TRPM3: variants seen among roughly 807,000 people sequenced by gnomAD.
TRPM3 encodes transient receptor potential cation channel subfamily M member 3, also known as long transient receptor potential channel 3.
In TRPM3, 77 loss-of-function variants were observed where a neutral mutation model predicts 181.2. That is an observed-to-expected ratio of 0.42 (90% CI 0.35 to 0.51). The LOEUF is 0.51. TRPM3 is among the 20% of genes least tolerant of loss of function. TRPM3 has a pLI of 0.01. For synonymous variants in TRPM3, 745 were observed against 796.4 expected, an observed-to-expected ratio of 0.94 and a Z score of 1.09; for missense variants, 1,759 against 2,196.7, an observed-to-expected ratio of 0.80 and a Z score of 3.98.
At chr9:71,308,658 G>GT (rs747261560) in intron 1 of TRPM3, among the ~76,000 whole-genome samples, 201 of 152,060 alleles carry the variant, frequency 1.3e-3, no homozygotes, top group Non-Finnish European at 1.2e-3. Context: ...AGTAATGGGG[G>GT]TTTTTTGACA....
At position 70,854,938 on chromosome 9, in the gene TRPM3, C is replaced by G. The variant is rs55961050; in HGVS notation, c.462+7970G>C. On this transcript the variant is annotated intron_variant, in intron 3 of 25. Coordinates refer to ENST00000677713, the MANE Select transcript of TRPM3 (RefSeq NM_001366145.2). ...GAGAAAATGTATTTTGAGTTCCAAA[C>G]AACAAATTTAGACATGACATTCTGT... Among the ~76,000 whole-genome samples the G allele has an allele frequency of 2.8e-3, 420 of 152,260 alleles. 4 individuals are homozygous for G. Among genetic ancestry groups the G allele is most frequent in the African/African-American group, 9.5e-3 (395 of 41,552 alleles).
intron 1 of TRPM3, among the ~76,000 whole-genome samples, chr9:71,008,688 C>CA (rs1029846910): frequency 3.2e-4 from 49 of 152,068 alleles, no homozygotes; most frequent in African/African-American, 1.2e-3. Context: ...ACTAAAAATA[C>CA]AAAAAAATTA....
Position 71,157,905 on chromosome 9 carries a change from T to C in TRPM3, c.183+288748A>G, listed in dbSNP as rs1382980522. Among the ~76,000 whole-genome samples the C allele has an allele frequency of 3.9e-5, 6 of 152,184 alleles. No homozygotes were observed. In the South Asian group the frequency reaches 6.2e-4, roughly 16 times the overall value. ...GACAGATTGTTGAAACTGAAATAATTAAATTATGCAAAGATTAAGAGGACA... is the reference window on the plus strand; with the variant it reads ...GACAGATTGTTGAAACTGAAATAATCAAATTATGCAAAGATTAAGAGGACA... On this transcript the variant is annotated intron_variant, in intron 1 of 24. Transcript: ENST00000357533.
At chr9:71,204,137 A>C (rs1315460143) in intron 1 of TRPM3, among the ~76,000 whole-genome samples, 1 of 151,326 alleles carries the variant, frequency 6.6e-6, no homozygotes, top group Non-Finnish European at 1.5e-5. Flanking sequence ...AATACCATTC[A>C]GGACATAGGC....
At chr9:70,626,320 C>T (rs1281971150) in intron 12 of TRPM3, among the ~76,000 whole-genome samples, 1 of 152,134 alleles carries the variant, frequency 6.6e-6, no homozygotes, top group Non-Finnish European at 1.5e-5. Context: ...TGGTGTAGCT[C>T]CTTCTTGCGG....
At position 71,165,443 on chromosome 9, in the gene TRPM3, G is replaced by A. The variant is rs185489609; in HGVS notation, c.183+281210C>T. 2.6e-5 allele frequency among the ~76,000 whole-genome samples: 4 copies of A among 152,188 alleles called. 1 individual carries two copies. Among genetic ancestry groups the A allele is most frequent in the Admixed American group, 2.6e-4 (4 of 15,276 alleles). On this transcript the variant is annotated intron_variant, in intron 1 of 24. Coordinates refer to the TRPM3 transcript ENST00000357533. ...AGTAGCTTAACATCCATAGAAGATA[G>A]GACATTTCACACATGCACACACACA...
intron 1 of TRPM3, among the ~76,000 whole-genome samples, chr9:71,350,026 G>C (rs2091533146): frequency 6.9e-6 from 1 of 145,500 alleles, no homozygotes; most frequent in Non-Finnish European, 1.5e-5. Flanking sequence ...GACCTGTGTA[G>C]AAGTTAAAAA....
intron 1 of TRPM3, among the ~76,000 whole-genome samples, chr9:71,126,695 G>C (rs182316234): frequency 1.6e-4 from 25 of 152,244 alleles, no homozygotes; most frequent in African/African-American, 5.8e-4. Context: ...AGTAGGTTAA[G>C]CAGCATTTAT....
At position 71,065,693 on chromosome 9, in the gene TRPM3, G is replaced by T. The variant is rs542398461; in HGVS notation, c.177+55485C>A. 2.6e-5 allele frequency among the ~76,000 whole-genome samples: 4 copies of T among 152,248 alleles called. No individual in the cohort carries two copies. The South Asian group carries it at 8.3e-4, about 32-fold the overall frequency. On this transcript the variant is annotated intron_variant, in intron 1 of 25. Coordinates refer to ENST00000677713, the MANE Select transcript of TRPM3 (RefSeq NM_001366145.2). ...TGTCCAAAGCAATCCTGGTAACCAGGAGATTAAGGAAAGCAAACAAAATTT... is the reference window on the plus strand; with the variant it reads ...TGTCCAAAGCAATCCTGGTAACCAGTAGATTAAGGAAAGCAAACAAAATTT...
intron 22 of TRPM3, among the ~76,000 whole-genome samples, chr9:70,554,004 A>C (rs1365802263): frequency 1.3e-5 from 2 of 151,812 alleles, no homozygotes; most frequent in Admixed American, 6.6e-5. Flanking sequence ...TTTCCATTCC[A>C]AAAGTGTGCT....
chr9:71,363,927 G>A (rs749686823), intron 1 of TRPM3, among the ~76,000 whole-genome samples: 13 of 152,100 alleles, frequency 8.5e-5, no homozygotes, highest in Non-Finnish European at 1.9e-4. Flanking sequence ...GAAATGCATG[G>A]CCCAGCACAT....
chr9:71,278,655 G>T (rs529014570), intron 1 of TRPM3, among the ~76,000 whole-genome samples: 1 of 152,128 alleles, frequency 6.6e-6, no homozygotes, highest in Non-Finnish European at 1.5e-5. Context: ...AGGTTGAACC[G>T]TATGTCCTTG....
intron 1 of TRPM3, among the ~76,000 whole-genome samples, chr9:71,039,022 A>T (rs1391148941): frequency 1.3e-5 from 2 of 152,332 alleles, no homozygotes; most frequent in East Asian, 3.9e-4. Flanking sequence ...ACTTAAAAAA[A>T]CAAAAAACAA....
At chr9:70,851,800 C>T (rs1029276711) in intron 3 of TRPM3, among the ~76,000 whole-genome samples, 2 of 152,006 alleles carry the variant, frequency 1.3e-5, no homozygotes, top group African/African-American at 4.8e-5. Context: ...ATTTTTCTCT[C>T]TGCTCACAAT....
intron 9 of TRPM3, among the ~76,000 whole-genome samples, chr9:70,647,217 C>A (rs904539726): frequency 1.3e-5 from 2 of 152,016 alleles, no homozygotes; most frequent in South Asian, 4.1e-4. Flanking sequence ...CATAACCAAA[C>A]CTGGCAGAGA....
chr9:70,632,188 T>C (rs1793519166), intron 12 of TRPM3, among the ~76,000 whole-genome samples: 1 of 152,222 alleles, frequency 6.6e-6, no homozygotes, highest in South Asian at 2.1e-4. Flanking sequence ...ACTCTAGTTT[T>C]GTAGCCTTTG....
At chr9:71,414,789 TCA>T (rs1410195277) in intron 1 of TRPM3, among the ~76,000 whole-genome samples, 1 of 152,056 alleles carries the variant, frequency 6.6e-6, no homozygotes, top group East Asian at 1.9e-4. Context: ...TGCAACATAC[TCA>T]GTCTTTTTGA....
At chr9:71,411,620 AT>A (rs2093551440) in intron 1 of TRPM3, among the ~76,000 whole-genome samples, 1 of 152,054 alleles carries the variant, frequency 6.6e-6, no homozygotes, top group South Asian at 2.1e-4. Flanking sequence ...ACAAATGAAC[AT>A]TCCATGCTCA....
chr9:70,817,629 C>A (rs377085518), intron 6 of TRPM3, among the ~76,000 whole-genome samples: 1 of 152,068 alleles, frequency 6.6e-6, no homozygotes, highest in African/African-American at 2.4e-5. Context: ...AGATCTCCTG[C>A]CAATCTAATC....
Sources: gnomAD v4.1 joint callset for allele counts (sites outside exome capture counted in the v4.1 genomes callset) on GRCh38, gnomAD v4.1.1 for gene constraint, MANE v1.5 for transcripts, NCBI Gene and HGNC (gene_info 2026-07-23, HGNC 2026-07-21) for gene names.